The following EPS8 variants were observed in gnomAD, a reference collection of about 807,000 sequenced individuals.
The protein encoded by EPS8 is EGFR pathway substrate 8, signaling adaptor.
EPS8 carries 42 observed loss-of-function variants against 103.8 expected under a neutral mutation model. That is an observed-to-expected ratio of 0.40 (90% CI 0.32 to 0.52). EPS8 has a LOEUF of 0.52. EPS8 is among the 20% of genes least tolerant of loss of function. The pLI is 0.40. For synonymous variants in EPS8, 344 were observed against 344.6 expected (o/e 1.00, Z 0.02); for missense variants, 969 against 1,005.1 (o/e 0.96, Z 0.49).
rs1946904200 is a variant in EPS8 at position 15,749,059 on chromosome 12, T to C, written c.-22+40102A>G. ...TTTTAACTATTTTTGTCAAGATCCATCCTAGTGTTCTTTTGGAAGAGCTAA... is the reference window on the plus strand; with the variant it reads ...TTTTAACTATTTTTGTCAAGATCCACCCTAGTGTTCTTTTGGAAGAGCTAA... On this transcript the variant is annotated intron_variant, in intron 1 of 20. Coordinates refer to ENST00000281172, the MANE Select transcript of EPS8 (RefSeq NM_004447.6). The surrounding 1 kb of genome is among the most constrained non-coding windows in gnomAD (Gnocchi z 4.0). 2.0e-5 allele frequency among the ~76,000 whole-genome samples: 3 copies of C among 152,182 alleles called. No homozygotes were observed. Among genetic ancestry groups the C allele is most frequent in the Admixed American group, 2.0e-4 (3 of 15,270 alleles).
chr12:15,665,815 T>C lies in EPS8; in HGVS notation c.677A>G (p.Gln226Arg). The change falls in exon 8 of 21, where the codon CAG (glutamine) becomes CGG (arginine). Residue 226 changes from glutamine to arginine, a missense_variant. Gln to Arg is a conservative substitution (Grantham distance 43). Coordinates refer to ENST00000281172, the MANE Select transcript of EPS8 (RefSeq NM_004447.6). ...PAPAPPGTVT[Q>R]VDVRSRVAAW... ...TGCCACTCGACTTCTAACATCCACC[T>C]GGGTGACGGTCCCAGGGGGCGCAGG... is the stretch of plus-strand genomic sequence containing the variant. 6.2e-7 allele frequency: 1 copy of C among 1,613,822 alleles called. No individual in the cohort carries two copies. The highest frequency in any genetic ancestry group is 8.5e-7 in the Non-Finnish European group (1 of 1,179,902).
intron 1 of EPS8, among the ~76,000 whole-genome samples, chr12:15,783,959 CA>C (rs943676473): frequency 2.1e-4 from 31 of 147,918 alleles, no homozygotes; most frequent in Non-Finnish European, 2.4e-4. Flanking sequence ...AATCCATATG[CA>C]AAAAAAAAAT....
chr12:15,715,235 G>C (rs536322400), intron 1 of EPS8, among the ~76,000 whole-genome samples: 5 of 152,272 alleles, frequency 3.3e-5, no homozygotes, highest in African/African-American at 1.2e-4. Context: ...GGACAAGGGT[G>C]AGGTGGCCTC....
At chr12:15,655,318 C>T (rs1223281430) in intron 12 of EPS8, among the ~76,000 whole-genome samples, 3 of 152,200 alleles carry the variant, frequency 2.0e-5, no homozygotes, top group African/African-American at 7.2e-5. Flanking sequence ...ACACATTACA[C>T]TATTACACTG....
intron 3 of EPS8, among the ~76,000 whole-genome samples, chr12:15,676,838 G>C (rs1945917357): frequency 6.6e-6 from 1 of 152,092 alleles, no homozygotes; most frequent in Non-Finnish European, 1.5e-5. Flanking sequence ...GAAATTTCTT[G>C]TATGGTAATT....
Position 15,703,962 on chromosome 12 carries a change from C to A in EPS8, c.-21-20990G>T, listed in dbSNP as rs1007476026. On this transcript the variant is annotated intron_variant, in intron 1 of 20. Transcript: ENST00000281172. Reference sequence around the variant, plus strand: ...AACCGATATATTAATTTTAAATCTGCCCACCACTTACCTCTAAGGACAGAG... The same window carrying A: ...AACCGATATATTAATTTTAAATCTGACCACCACTTACCTCTAAGGACAGAG... Among the ~76,000 whole-genome samples, 24 of 147,650 alleles carry A rather than the reference C, an allele frequency of 1.6e-4. No individual in the cohort carries two copies. In the East Asian group the frequency reaches 4.6e-3, roughly 28 times the overall value.
intron 1 of EPS8, among the ~76,000 whole-genome samples, chr12:15,715,818 G>A (rs1040651328): frequency 4.0e-5 from 6 of 151,308 alleles, no homozygotes; most frequent in African/African-American, 9.7e-5. Flanking sequence ...AAACTTTCCC[G>A]AACACTAATT....
At chr12:15,672,423 C>G (rs1175226908) in intron 3 of EPS8, 1 of 398,238 alleles carries the variant, frequency 2.5e-6, no homozygotes, top group East Asian at 3.6e-5. Flanking sequence ...TTAATAAAAA[C>G]AGATGCACTA....
chr12:15,743,003 C>G (rs1946840781), intron 1 of EPS8, among the ~76,000 whole-genome samples: 1 of 152,170 alleles, frequency 6.6e-6, no homozygotes, highest in Non-Finnish European at 1.5e-5. Flanking sequence ...GATTGTCTAT[C>G]TAGAAAACCC....
rs1056571340 is a variant in EPS8, at chr12:15,760,268, C to T, written c.-22+28893G>A. ...ATTGAACTATGAAGAAATCCAAAACCTGAACAGACCAAAAATAAGTAATAA... is the reference window on the plus strand; with the variant it reads ...ATTGAACTATGAAGAAATCCAAAACTTGAACAGACCAAAAATAAGTAATAA... On this transcript the variant is annotated intron_variant, in intron 1 of 20. Transcript: ENST00000281172. This position sits in a 1 kb window ranked among gnomAD's most constrained non-coding sequence, Gnocchi z 4.5. Among the ~76,000 whole-genome samples the T allele has an allele frequency of 3.3e-5, 5 of 151,902 alleles. No homozygotes were observed. The highest frequency in any genetic ancestry group is 1.2e-4 in the African/African-American group (5 of 41,394).
At chr12:15,729,076 C>G in intron 1 of EPS8, among the ~76,000 whole-genome samples, 1 of 152,162 alleles carries the variant, frequency 6.6e-6, no homozygotes, top group East Asian at 1.9e-4. Context: ...ATTCTACTCT[C>G]TTCTTGCTTA....
At chr12:15,694,404 G>A (rs996267269) in intron 1 of EPS8, among the ~76,000 whole-genome samples, 24 of 152,082 alleles carry the variant, frequency 1.6e-4, no homozygotes, top group Non-Finnish European at 2.9e-4. Flanking sequence ...AAAACAATAC[G>A]CTAAAGCATG....
intron 3 of EPS8, among the ~76,000 whole-genome samples, chr12:15,679,272 G>T (rs1025825434): frequency 2.0e-5 from 3 of 152,026 alleles, no homozygotes; most frequent in Non-Finnish European, 4.4e-5. Context: ...AACATCAAAG[G>T]CTGCTCATTC....
At chr12:15,763,705 C>G (rs1214351719) in intron 1 of EPS8, among the ~76,000 whole-genome samples, 2 of 152,196 alleles carry the variant, frequency 1.3e-5, no homozygotes, top group East Asian at 3.9e-4. Flanking sequence ...TGGCACTCTT[C>G]TTTCTCCATC....
At position 15,665,737 on chromosome 12, in the gene EPS8, T is replaced by G; in HGVS notation, c.736+19A>C. 1 of 1,612,870 alleles carries G rather than the reference T, an allele frequency of 6.2e-7. No homozygotes were observed. The highest frequency in any genetic ancestry group is 8.5e-7 in the Non-Finnish European group (1 of 1,179,526). The stretch of plus-strand genomic sequence containing the variant: ...CCCAAAGTAAGTGTTCAATAAGTAT[T>G]AATTCTAGGAAGACTCACAGTCCCC... On this transcript the variant is annotated intron_variant, in intron 8 of 20. Transcript: ENST00000281172.
intron 1 of EPS8, among the ~76,000 whole-genome samples, chr12:15,782,824 C>G (rs1475602069): frequency 6.6e-6 from 1 of 152,170 alleles, no homozygotes; most frequent in Non-Finnish European, 1.5e-5. Context: ...ATAGCCACCT[C>G]CTGTTGTTAT....
At position 15,778,124 on chromosome 12, in the gene EPS8, C is replaced by T. The variant is rs1947225460; in HGVS notation, c.-22+11037G>A. ...GTTATAATTTTTCCAATTTTTCTTA[C>T]ATATTATTGTTCAGGCTAGGCCACC... On this transcript the variant is annotated intron_variant, in intron 1 of 20. Transcript: ENST00000281172. This position sits in a 1 kb window ranked among gnomAD's most constrained non-coding sequence, Gnocchi z 4.5. Among the ~76,000 whole-genome samples the T allele has an allele frequency of 6.6e-6, 1 of 152,142 alleles. No individual in the cohort carries two copies. Among genetic ancestry groups the T allele is most frequent in the Admixed American group, 6.5e-5 (1 of 15,272 alleles).
At chr12:15,723,274 G>A (rs984847926) in intron 1 of EPS8, among the ~76,000 whole-genome samples, 3 of 152,148 alleles carry the variant, frequency 2.0e-5, no homozygotes, top group African/African-American at 2.4e-5. Flanking sequence ...TTGTGCCACT[G>A]CACTCCAGCC....
chr12:15,663,509 G>A (rs1945644055), intron 8 of EPS8, among the ~76,000 whole-genome samples: 1 of 152,118 alleles, frequency 6.6e-6, no homozygotes, highest in Non-Finnish European at 1.5e-5. Flanking sequence ...TAGGCTAGTG[G>A]TAAATTAGAA....
Sources: allele counts gnomAD v4.1 joint callset (sites outside exome capture counted in the v4.1 genomes callset), GRCh38; gene constraint gnomAD v4.1.1; non-coding constraint Gnocchi (gnomAD v3.1); transcripts MANE v1.5; gene names NCBI Gene and HGNC (gene_info 2026-07-23, HGNC 2026-07-21).